The following MADD variants were observed in gnomAD, a reference collection of about 807,000 sequenced individuals.
MADD encodes the protein MAP kinase activating death domain.
MADD carries 109 observed loss-of-function variants against 176.7 expected under a neutral mutation model. The ratio of observed to expected loss-of-function variants is 0.62; its 90% CI spans 0.53 to 0.72. MADD has a LOEUF of 0.72. MADD is among the 30% of genes least tolerant of loss of function. The pLI is 0.00. For synonymous variants in MADD, 771 were observed against 771.3 expected (o/e 1.00, Z 0.01); for missense variants, 1,914 against 2,045.5 (o/e 0.94, Z 1.24).
intron 9 of MADD, 25 bp downstream of exon 9, chr11:47,282,641 G>T (rs982369264): frequency 1.2e-6 from 2 of 1,609,668 alleles, no homozygotes; most frequent in African/African-American, 2.7e-5. Flanking sequence ...CCTCTGCTCC[G>T]CTCTGCCTTG....
In MADD at chr11:47,279,838, C is replaced by T. The variant is rs568963727; in HGVS notation, c.1290+759C>T. The stretch of plus-strand genomic sequence containing the variant: ...CTGTAATCCCAGCACTTTGGGAGGC[C>T]GAGGCAGGTGAATCACGAGGTCAGG... On this transcript the variant is annotated intron_variant, in intron 7 of 32. Transcript: ENST00000402192. 5.9e-5 allele frequency among the ~76,000 whole-genome samples: 9 copies of T among 151,854 alleles called. No homozygotes were observed. The East Asian group carries it at 9.8e-4, about 17-fold the overall frequency.
chr11:47,276,886 G>A (rs1276932356), intron 5 of MADD, 23 bp downstream of exon 5: 1 of 1,612,480 alleles, frequency 6.2e-7, no homozygotes, highest in Non-Finnish European at 8.5e-7. Flanking sequence ...GCGACTTCCG[G>A]CTTTCTCACC....
intron 27 of MADD, among the ~76,000 whole-genome samples, chr11:47,323,397 CA>C (rs79918782): frequency 0.016 from 2,012 of 128,264 alleles, 23 homozygotes; most frequent in African/African-American, 0.037. Flanking sequence ...GACCCTGTCT[CA>C]AAAAAAAAAA....
At chr11:47,282,677 G>C in intron 9 of MADD, 61 bp downstream of exon 9, 1 of 1,594,890 alleles carries the variant, frequency 6.3e-7, no homozygotes, top group Non-Finnish European at 8.6e-7. Flanking sequence ...GATGGACTTT[G>C]ATTTTTCCTT....
At chr11:47,276,079 G>A in exon 4 of MADD, 2 of 1,614,208 alleles carry the variant, frequency 1.2e-6, no homozygotes, top group Non-Finnish European at 1.7e-6. Flanking sequence ...AGCCAGCTCT[G>A]ACCTTTGCTC....
At chr11:47,328,965 G>T in intron 32 of MADD, 81 bp from the exon 37 acceptor site, 1 of 1,221,376 alleles carries the variant, frequency 8.2e-7, no homozygotes, top group East Asian at 2.3e-5. Context: ...GTTAGGGCAG[G>T]AGTTGCCCAT....
intron 27 of MADD, among the ~76,000 whole-genome samples, chr11:47,317,923 C>G (rs925947868): frequency 6.6e-6 from 1 of 152,014 alleles, no homozygotes; most frequent in African/African-American, 2.4e-5. Context: ...GTGCCTGCCA[C>G]CACACCCGGC....
Position 47,283,116 on chromosome 11 carries a change from C to T in MADD, c.1862+147C>T, listed in dbSNP as rs536095113. The T allele has an allele frequency of 4.6e-4, 330 of 717,974 alleles. 1 individual carries two copies. The African/African-American group carries it at 4.8e-3, about 10-fold the overall frequency. The allele number at this position is 717,974 out of a possible 1,614,324, so 44.5% of individuals were successfully genotyped here. A position where few individuals can be genotyped will look rare whatever the true frequency, so the allele number is the denominator to read the frequency against. Reference sequence around the variant, plus strand: ...ATTTTATTTATTTATTTTTTTGAGACGGAGTCTCGCTCTGTCACCCAGGCT... The same window carrying T: ...ATTTTATTTATTTATTTTTTTGAGATGGAGTCTCGCTCTGTCACCCAGGCT... On this transcript the variant is annotated intron_variant, in intron 10 of 32. Transcript: ENST00000402192.
At chr11:47,292,666 C>A (rs2066387818) in intron 19 of MADD, 70 bp downstream of exon 21, 3 of 1,504,750 alleles carry the variant, frequency 2.0e-6, no homozygotes, top group Non-Finnish European at 2.8e-6. Context: ...CCAGTTGGGG[C>A]AGGCTCCCTT....
chr11:47,285,001 C>T (rs757300995), exon 13 of MADD: 5 of 1,614,076 alleles, frequency 3.1e-6, no homozygotes, highest in South Asian at 2.2e-5. Flanking sequence ...CAAGCCCCTC[C>T]CTTCCGTGCC....
intron 31 of MADD, chr11:47,328,418 C>T (rs753993): frequency 2.1e-6 from 3 of 1,419,866 alleles, no homozygotes; most frequent in Non-Finnish European, 2.7e-6. Flanking sequence ...ATCAAGTAAA[C>T]GCCACTGCGG....
exon 3 of MADD, chr11:47,274,858 G>A: frequency 6.2e-7 from 1 of 1,614,220 alleles, no homozygotes; most frequent in Non-Finnish European, 8.5e-7. Flanking sequence ...CCGTGGGAAG[G>A]AAGGAACCCA....
intron 19 of MADD, among the ~76,000 whole-genome samples, chr11:47,293,342 C>G (rs568579707): frequency 9.7e-4 from 145 of 149,980 alleles, no homozygotes; most frequent in African/African-American, 3.5e-3. Flanking sequence ...TGCTCTGCTG[C>G]TCAGGCTGGA....
At chr11:47,310,790 C>T (rs1470949489) in intron 25 of MADD, among the ~76,000 whole-genome samples, 2 of 151,480 alleles carry the variant, frequency 1.3e-5, no homozygotes, top group Non-Finnish European at 2.9e-5. Context: ...GCCTCTAATC[C>T]CAGCTACTTG....
chr11:47,319,747 T>C (rs758997024), intron 27 of MADD, among the ~76,000 whole-genome samples: 4 of 152,154 alleles, frequency 2.6e-5, no homozygotes, highest in Non-Finnish European at 4.4e-5. Context: ...TCCCAGCACA[T>C]TGGGAGGCCG....
chr11:47,273,206 G>A (rs1203022060), intron 1 of MADD, among the ~76,000 whole-genome samples: 1 of 152,204 alleles, frequency 6.6e-6, no homozygotes, highest in Non-Finnish European at 1.5e-5. Flanking sequence ...TCCTGAGAGT[G>A]ACTTCAATTT....
At chr11:47,310,218 G>C (rs888471804) in intron 25 of MADD, among the ~76,000 whole-genome samples, 5 of 150,614 alleles carry the variant, frequency 3.3e-5, no homozygotes, top group African/African-American at 4.9e-5. Flanking sequence ...GTCACACTCT[G>C]TCACCCAGGC....
intron 15 of MADD, among the ~76,000 whole-genome samples, chr11:47,287,576 ATTG>A (rs936336160): frequency 1.3e-5 from 2 of 151,688 alleles, no homozygotes; most frequent in Admixed American, 1.3e-4. Context: ...CGCCTGGCTA[ATTG>A]TTGTATTTTT....
At chr11:47,282,966 A>T (rs951280975) in exon 10 of MADD, 2 of 1,613,274 alleles carry the variant, frequency 1.2e-6, no homozygotes, top group African/African-American at 1.3e-5. Context: ...CCTACTGATG[A>T]TAGGTGAGCA....
Sources: gnomAD v4.1 joint callset for allele counts (sites outside exome capture counted in the v4.1 genomes callset) on GRCh38, gnomAD v4.1.1 for gene constraint, MANE v1.5 for transcripts, NCBI Gene and HGNC (gene_info 2026-07-23, HGNC 2026-07-21) for gene names.